Variants in DCAF5 observed in about 807,000 individuals in gnomAD.
The protein encoded by DCAF5 is DDB1 and CUL4 associated factor 5.
DCAF5 carries 9 observed loss-of-function variants against 80.7 expected under a neutral mutation model. The observed-to-expected ratio is 0.11, with a 90% CI of 0.07 to 0.19. DCAF5 has a LOEUF of 0.19. DCAF5 is among the 10% of genes least tolerant of loss of function. The pLI is 1.00. For missense variants in DCAF5, 842 were observed against 1,205.7 expected (o/e 0.70, Z 4.47); for synonymous variants, 433 against 461.9 (o/e 0.94, Z 0.80).
At chr14:69,067,299 G>A (rs971732733) in intron 7 of DCAF5, among the ~76,000 whole-genome samples, 1 of 134,606 alleles carries the variant, frequency 7.4e-6, no homozygotes, top group Non-Finnish European at 1.6e-5. Flanking sequence ...CCCAATAAAT[G>A]TTTCTTTTTT....
rs1331587819 is a variant in DCAF5 at position 69,118,242 on chromosome 14, T to A, written c.432A>T (p.Ala144=). The A allele has an allele frequency of 6.2e-7, 1 of 1,613,828 alleles. No individual in the cohort carries two copies. Among genetic ancestry groups the A allele is most frequent in the East Asian group, 2.2e-5 (1 of 44,864 alleles). Residue 144 remains alanine, a synonymous_variant, in exon 4 of 9, where the codon GCA becomes GCT. Coordinates refer to ENST00000341516, the MANE Select transcript of DCAF5 (RefSeq NM_003861.3). The surrounding 1 kb of genome is among the most constrained non-coding windows in gnomAD (Gnocchi z 4.0). ...CTGGGCTCACAGACAAGCCATATACTGCATCTTCATGAGCAAACACGTCCA... is the reference window on the plus strand; with the variant it reads ...CTGGGCTCACAGACAAGCCATATACAGCATCTTCATGAGCAAACACGTCCA... ...ETLDVFAHED[A]VYGLSVSPVN... is the part of the protein sequence containing the mutation.
chr14:69,095,862 C>A (rs79628290), intron 5 of DCAF5, among the ~76,000 whole-genome samples: 1 of 152,258 alleles, frequency 6.6e-6, no homozygotes, highest in African/African-American at 2.4e-5. Context: ...ATTGTTTCCA[C>A]GTGAAAGCTC....
At position 69,056,977 on chromosome 14, in the gene DCAF5, TAG is replaced by T. The variant is rs147218072; in HGVS notation, c.1075-1368_1075-1367del. On this transcript the variant is annotated intron_variant, in intron 8 of 8. Transcript: ENST00000341516. ...CCTCTCCAGCTTCATAATCTTACCC[TAG>T]AGAGTTTCAAGGGATTGGTTTTCAC... is the stretch of plus-strand genomic sequence containing the variant. Among the ~76,000 whole-genome samples the T allele has an allele frequency of 6.6e-5, 10 of 152,294 alleles. No homozygotes were observed. In the East Asian group the frequency reaches 1.5e-3, roughly 23 times the overall value.
At chr14:69,084,039 G>T (rs2039220142) in intron 6 of DCAF5, 3 of 780,202 alleles carry the variant, frequency 3.8e-6, no homozygotes, top group Admixed American at 1.7e-5. Context: ...GGATCTTCTT[G>T]CAGCTACAAA....
intron 2 of DCAF5, among the ~76,000 whole-genome samples, chr14:69,119,863 C>A (rs1007691123): frequency 7.9e-5 from 12 of 152,064 alleles, no homozygotes; most frequent in African/African-American, 2.9e-4. Flanking sequence ...AAATCTTTAG[C>A]ATTTCTATGA....
chr14:69,089,816 G>T, intron 6 of DCAF5: 1 of 556,622 alleles, frequency 1.8e-6, no homozygotes, highest in Non-Finnish European at 2.3e-6. Flanking sequence ...GATATTACCG[G>T]CTTCTAGTAG....
chr14:69,149,991 G>A (rs1259834974), intron 1 of DCAF5, among the ~76,000 whole-genome samples: 3 of 152,208 alleles, frequency 2.0e-5, no homozygotes, highest in Non-Finnish European at 4.4e-5. Context: ...AGGTTAATTA[G>A]GACTCCCAAA....
chr14:69,120,989 T>C (rs2040701813), intron 2 of DCAF5, among the ~76,000 whole-genome samples: 1 of 152,168 alleles, frequency 6.6e-6, no homozygotes, highest in African/African-American at 2.4e-5. Context: ...TCAAAACTCT[T>C]ACCAATGAAA....
chr14:69,084,693 A>C (rs984664092), intron 6 of DCAF5: 1 of 1,285,742 alleles, frequency 7.8e-7, no homozygotes, highest in African/African-American at 1.5e-5. Context: ...ATGTCCGTGA[A>C]ATACCACTAT....
At chr14:69,125,993 T>C (rs1364175155) in intron 1 of DCAF5, among the ~76,000 whole-genome samples, 1 of 152,062 alleles carries the variant, frequency 6.6e-6, no homozygotes, top group African/African-American at 2.4e-5. Context: ...AAGGTTAATA[T>C]ACAAAAGTCC....
chr14:69,093,749 C>T (rs1452655781), intron 5 of DCAF5, among the ~76,000 whole-genome samples: 2 of 152,190 alleles, frequency 1.3e-5, no homozygotes, highest in Non-Finnish European at 2.9e-5. Flanking sequence ...TGTGTGGAAA[C>T]AAGCCTTGGG....
Position 69,053,595 on chromosome 14 carries a change from A to T in DCAF5, c.*262T>A. The T allele has an allele frequency of 2.3e-6, 1 of 441,292 alleles. No homozygotes were observed. The allele number at this position is 441,292 out of a possible 1,614,324, so 27.3% of individuals were successfully genotyped here. The stretch of plus-strand genomic sequence containing the variant: ...ACTTCCACAGAGCCTTGCGCGGCAC[A>T]CTACGCTCACGTCTCACTAGAAAGG... On this transcript the variant is annotated 3_prime_UTR_variant, in exon 9 of 9. Coordinates refer to ENST00000341516, the MANE Select transcript of DCAF5 (RefSeq NM_003861.3).
intron 5 of DCAF5, among the ~76,000 whole-genome samples, chr14:69,108,195 C>T (rs1414086865): frequency 1.3e-5 from 2 of 152,214 alleles, no homozygotes; most frequent in Non-Finnish European, 2.9e-5. Context: ...CAGCTGCATT[C>T]ATTCAACATA....
At chr14:69,151,662 C>T (rs2041708945) in intron 1 of DCAF5, among the ~76,000 whole-genome samples, 1 of 152,172 alleles carries the variant, frequency 6.6e-6, no homozygotes, top group African/African-American at 2.4e-5. Context: ...CATTCCCACC[C>T]GCCCCTGCCC....
rs1449747975 is a variant in DCAF5 at position 69,083,462 on chromosome 14, A to T, written c.880-8051T>A. On this transcript the variant is annotated intron_variant, in intron 6 of 8. Transcript: ENST00000341516. ...AAGAAGTGGAACCTCAAACTGCGGC[A>T]GTGGAACCTAAAGTTGCAGGGGGCC... The T allele has an allele frequency of 1.5e-5, 5 of 325,846 alleles. No individual in the cohort carries two copies. The South Asian group carries it at 1.6e-4, about 11-fold the overall frequency. The allele number at this position is 325,846 out of a possible 1,614,324, so 20.2% of individuals were successfully genotyped here.
chr14:69,131,261 CT>C (rs200882187), intron 1 of DCAF5, among the ~76,000 whole-genome samples: 1 of 151,042 alleles, frequency 6.6e-6, no homozygotes, highest in Non-Finnish European at 1.5e-5. Flanking sequence ...CTTTTCTTTT[CT>C]TTTTTTTTAA....
At chr14:69,084,845 G>A (rs914016612) in intron 6 of DCAF5, 1 of 1,106,354 alleles carries the variant, frequency 9.0e-7, no homozygotes, top group Non-Finnish European at 1.4e-6. Context: ...AAGAGAACTG[G>A]ACATTACTGA....
At chr14:69,066,624 C>G (rs922701849) in intron 7 of DCAF5, among the ~76,000 whole-genome samples, 1 of 152,122 alleles carries the variant, frequency 6.6e-6, no homozygotes, top group East Asian at 1.9e-4. Flanking sequence ...CACTTACTAC[C>G]GTAGGGGACC....
At chr14:69,139,676 T>G (rs1162551500) in intron 1 of DCAF5, among the ~76,000 whole-genome samples, 3 of 151,404 alleles carry the variant, frequency 2.0e-5, no homozygotes, top group Non-Finnish European at 2.9e-5. Context: ...ATTAGCTGGG[T>G]GTAGTGACAC....
Sources: allele counts gnomAD v4.1 joint callset (sites outside exome capture counted in the v4.1 genomes callset), GRCh38; gene constraint gnomAD v4.1.1; non-coding constraint Gnocchi (gnomAD v3.1); transcripts MANE v1.5; gene names NCBI Gene and HGNC (gene_info 2026-07-23, HGNC 2026-07-21).